Variants in LZTFL1 observed in about 807,000 individuals in gnomAD.
LZTFL1 encodes the protein leucine zipper transcription factor-like protein 1.
LZTFL1 carries 25 observed loss-of-function variants against 45.9 expected under a neutral mutation model. The observed-to-expected ratio is 0.54, with a 90% confidence interval of 0.40 to 0.76. The LOEUF (loss-of-function observed/expected upper bound fraction) is 0.76, where lower values mean the gene tolerates loss of function less well. Ranked by LOEUF, LZTFL1 falls within the 30% of genes least tolerant of loss-of-function variation. The pLI is 0.00. For synonymous variants in LZTFL1, 93 were observed against 117.4 expected (o/e 0.79, Z 1.35); for missense variants, 277 against 331.1 (o/e 0.84, Z 1.27).
chr3:45,886,648 C>T (rs200005452), intron 2 of LZTFL1: 2 of 152,342 alleles, frequency 1.3e-5, no homozygotes, highest in Non-Finnish European at 2.9e-5. Context: ...GTTGCATCGC[C>T]CTCCACAGTG....
At chr3:45,874,017 G>A (rs1701710417) in intron 2 of LZTFL1, among the ~76,000 whole-genome samples, 1 of 152,024 alleles carries the variant, frequency 6.6e-6, no homozygotes, top group Non-Finnish European at 1.5e-5. Context: ...ATACATATGG[G>A]GGCCTCATCC....
upstream of LZTFL1, among the ~76,000 whole-genome samples, chr3:45,843,307 T>G (rs1701162615): frequency 6.6e-6 from 1 of 151,834 alleles, no homozygotes; most frequent in African/African-American, 2.4e-5. Context: ...ATTTAGTGCC[T>G]ACTATGAGCT....
chr3:45,890,969 G>A (rs1021104555), intron 2 of LZTFL1, among the ~76,000 whole-genome samples: 1 of 152,170 alleles, frequency 6.6e-6, no homozygotes. Flanking sequence ...ATAGAAACAC[G>A]GCTGGGAGGG....
At chr3:45,850,443 C>A (rs1304160360) in intron 4 of LZTFL1, among the ~76,000 whole-genome samples, 1 of 152,186 alleles carries the variant, frequency 6.6e-6, no homozygotes, top group East Asian at 1.9e-4. Flanking sequence ...CCCGCAGCAC[C>A]ACCATGGAGA....
intron 2 of LZTFL1, among the ~76,000 whole-genome samples, chr3:45,863,612 C>T (rs964581616): frequency 2.6e-5 from 4 of 152,148 alleles, no homozygotes; most frequent in African/African-American, 4.8e-5. Context: ...TCCCCTGTGA[C>T]GCAGTCTAGC....
chr3:45,890,272 A>T (rs370059932), intron 2 of LZTFL1, among the ~76,000 whole-genome samples: 2 of 20 alleles, frequency 0.1, no homozygotes, highest in Non-Finnish European at 0.12. Context: ...TATATATAAC[A>T]TATATATATA....
chr3:45,901,570 C>A lies in LZTFL1; in HGVS notation c.-215+11550G>T. On this transcript the variant is annotated intron_variant, in intron 2 of 4. Transcript: ENST00000472635. This position sits in a 1 kb window ranked among gnomAD's most constrained non-coding sequence, Gnocchi z 4.3. Reference sequence around the variant, plus strand: ...CTAAAAGTGACCATCACTGTCCTGACCGTCTTTGTCTTGTCTCAGTTTCCC... The same window carrying A: ...CTAAAAGTGACCATCACTGTCCTGAACGTCTTTGTCTTGTCTCAGTTTCCC... The A allele has an allele frequency of 6.2e-7, 1 of 1,614,222 alleles. No individual in the cohort carries two copies. The highest frequency in any genetic ancestry group is 8.5e-7 in the Non-Finnish European group (1 of 1,180,016).
In LZTFL1 at chr3:45,826,101, C is replaced by A; in HGVS notation, c.*213G>T. On this transcript the variant is annotated 3_prime_UTR_variant, in exon 10 of 10. Coordinates refer to ENST00000296135, the MANE Select transcript of LZTFL1 (RefSeq NM_020347.4). Reference sequence around the variant, plus strand: ...ATGTGAGCTAAGACTCTGGAGCACTCAGTAGAGAGGTGTGTGGGATGACCA... The same window carrying A: ...ATGTGAGCTAAGACTCTGGAGCACTAAGTAGAGAGGTGTGTGGGATGACCA... The A allele has an allele frequency of 1.8e-6, 1 of 542,842 alleles. No homozygotes were observed. The highest frequency in any genetic ancestry group is 3.3e-6 in the Non-Finnish European group (1 of 306,404). 33.6% of individuals were successfully genotyped at this position (542,842 alleles called of 1,614,324 possible).
chr3:45,914,284 T>C (rs1392620557), intron 1 of LZTFL1, among the ~76,000 whole-genome samples: 1 of 103,460 alleles, frequency 9.7e-6, no homozygotes, highest in Non-Finnish European at 1.8e-5. Flanking sequence ...CCCATGGATC[T>C]GCATTTTTTT....
intron 2 of LZTFL1, among the ~76,000 whole-genome samples, chr3:45,886,882 T>C (rs1464396187): frequency 6.6e-6 from 1 of 152,108 alleles, no homozygotes; most frequent in Non-Finnish European, 1.5e-5. Flanking sequence ...TTCACATACA[T>C]GAAGCTTAGG....
intron 2 of LZTFL1, among the ~76,000 whole-genome samples, chr3:45,907,425 T>G (rs1285071800): frequency 1.3e-5 from 2 of 152,192 alleles, no homozygotes; most frequent in Non-Finnish European, 2.9e-5. Context: ...GGTAGGTGCT[T>G]CAAGGAACCT....
chr3:45,836,604 G>A (rs1027832803), intron 2 of LZTFL1, among the ~76,000 whole-genome samples: 1 of 152,116 alleles, frequency 6.6e-6, no homozygotes, highest in Non-Finnish European at 1.5e-5. Flanking sequence ...GCAGTGAGCC[G>A]ACATCATGCC....
chr3:45,880,829 C>A (rs552625200), intron 2 of LZTFL1, among the ~76,000 whole-genome samples: 1 of 152,008 alleles, frequency 6.6e-6, no homozygotes, highest in Non-Finnish European at 1.5e-5. Flanking sequence ...GTGTGAGGGC[C>A]CCCTTCCCAC....
intron 7 of LZTFL1, 82 bp from the exon 8 acceptor site, chr3:45,828,697 G>C: frequency 8.3e-7 from 1 of 1,205,842 alleles, no homozygotes; most frequent in African/African-American, 1.5e-5. Context: ...CAACATCATA[G>C]GAGATGAAAA....
At chr3:45,890,959 A>G (rs1361262076) in intron 2 of LZTFL1, among the ~76,000 whole-genome samples, 3 of 152,250 alleles carry the variant, frequency 2.0e-5, no homozygotes, top group Admixed American at 6.5e-5. Context: ...GTACGAATGC[A>G]TAGAAACACG....
At chr3:45,827,119 C>T in intron 9 of LZTFL1, 1 of 461,040 alleles carries the variant, frequency 2.2e-6, no homozygotes, top group Non-Finnish European at 3.8e-6. Flanking sequence ...TTGCCAAGAG[C>T]AGCTTACTGT....
chr3:45,832,974 C>T, intron 5 of LZTFL1, 76 bp downstream of exon 5: 1 of 1,096,744 alleles, frequency 9.1e-7, no homozygotes, highest in Non-Finnish European at 1.4e-6. Context: ...AACAAACCTT[C>T]CACTTCTGTT....
In LZTFL1 at chr3:45,828,510, G is replaced by A. The variant is rs540809659; in HGVS notation, c.706C>T (p.Leu236=). Residue 236 remains leucine, a synonymous_variant, in exon 8 of 10, where the codon CTG becomes TTG. Coordinates refer to ENST00000296135, the MANE Select transcript of LZTFL1 (RefSeq NM_020347.4). The part of the protein sequence containing the change: ...LNDKTENQKS[L]EENLATAKHD... ...TTGGCTGTCGCCAGATTCTCCTCCA[G>A]TGACTTCTGGTTTTCTGTCTTGTCA... 2 of 1,614,192 alleles carry A rather than the reference G, an allele frequency of 1.2e-6. No individual in the cohort carries two copies. The highest frequency in any genetic ancestry group is 2.2e-5 in the South Asian group (2 of 91,084).
At chr3:45,836,671 A>G (rs1001009765) in intron 2 of LZTFL1, among the ~76,000 whole-genome samples, 1 of 152,144 alleles carries the variant, frequency 6.6e-6, no homozygotes, top group Non-Finnish European at 1.5e-5. Context: ...ACAAACAAAA[A>G]AACAAAACTA....
Sources: gnomAD v4.1 joint callset for allele counts (sites outside exome capture counted in the v4.1 genomes callset) on GRCh38, gnomAD v4.1.1 for gene constraint, Gnocchi (gnomAD v3.1) non-coding constraint, MANE v1.5 for transcripts, NCBI Gene and HGNC (gene_info 2026-07-23, HGNC 2026-07-21) for gene names.